The following NEDD4L variants were observed in gnomAD, a reference collection of about 807,000 sequenced individuals.
NEDD4L encodes the protein E3 ubiquitin-protein ligase NEDD4-like.
Under a neutral mutation model 148.9 loss-of-function variants are expected in NEDD4L, and 54 were observed. That is an observed-to-expected ratio of 0.36 (90% CI 0.29 to 0.45). The LOEUF is 0.45. NEDD4L is among the 20% of genes least tolerant of loss of function. The pLI, the probability that NEDD4L is intolerant of heterozygous loss-of-function variation, is 1.00. For synonymous variants in NEDD4L, 433 were observed against 440.7 expected, an observed-to-expected ratio of 0.98 and a Z score of 0.22; for missense variants, 856 against 1,233.8, an observed-to-expected ratio of 0.69 and a Z score of 4.59.
intron 13 of NEDD4L, among the ~76,000 whole-genome samples, chr18:58,337,554 C>A (rs557132356): frequency 2.6e-5 from 4 of 152,248 alleles, no homozygotes; most frequent in Admixed American, 2.6e-4. Flanking sequence ...CACATAGGTA[C>A]ACATTGTGCC....
At chr18:58,392,784 A>G (rs2147032963) in intron 30 of NEDD4L, among the ~76,000 whole-genome samples, 1 of 152,368 alleles carries the variant, frequency 6.6e-6, no homozygotes, top group South Asian at 2.1e-4. Flanking sequence ...TGAAGGCACC[A>G]GCGTTGAGCC....
intron 2 of NEDD4L, among the ~76,000 whole-genome samples, chr18:58,215,329 G>A (rs922850231): frequency 2.6e-5 from 4 of 152,012 alleles, no homozygotes; most frequent in Admixed American, 6.6e-5. Flanking sequence ...TTTCATCTTC[G>A]ACATTATGGA....
chr18:58,239,981 G>A (rs1301499215), intron 2 of NEDD4L, among the ~76,000 whole-genome samples: 2 of 152,146 alleles, frequency 1.3e-5, no homozygotes, highest in Non-Finnish European at 1.5e-5. Flanking sequence ...TGCAAAATCC[G>A]AGTGGATTTT....
At chr18:58,352,101 C>T (rs975696015) in intron 18 of NEDD4L, among the ~76,000 whole-genome samples, 25 of 152,088 alleles carry the variant, frequency 1.6e-4, no homozygotes, top group Admixed American at 1.6e-3. Flanking sequence ...AAGTAGAAGT[C>T]CTAGGTGTAT....
At chr18:58,196,763 C>T (rs376359149) in intron 2 of NEDD4L, among the ~76,000 whole-genome samples, 13 of 142,004 alleles carry the variant, frequency 9.2e-5, no homozygotes, top group Admixed American at 1.5e-4. Context: ...TAATACTCTC[C>T]GGTAAACATA....
At chr18:58,265,719 A>T (rs1037781855) in intron 5 of NEDD4L, among the ~76,000 whole-genome samples, 1 of 151,960 alleles carries the variant, frequency 6.6e-6, no homozygotes, top group South Asian at 2.1e-4. Context: ...ACATGTCAAC[A>T]CACGCAGCTA....
chr18:58,060,724 A>G (rs1340712246), intron 1 of NEDD4L, among the ~76,000 whole-genome samples: 2 of 151,756 alleles, frequency 1.3e-5, no homozygotes, highest in Non-Finnish European at 1.5e-5. Context: ...CCTGTCTTGC[A>G]CCCTTCCTTC....
intron 5 of NEDD4L, among the ~76,000 whole-genome samples, chr18:58,293,658 C>G (rs948024980): frequency 6.6e-6 from 1 of 152,146 alleles, no homozygotes; most frequent in Non-Finnish European, 1.5e-5. Context: ...TTACCTTTGA[C>G]TCATATGTTT....
intron 2 of NEDD4L, among the ~76,000 whole-genome samples, chr18:58,185,755 C>T (rs1281780460): frequency 1.3e-5 from 2 of 152,072 alleles, no homozygotes; most frequent in East Asian, 3.8e-4. Flanking sequence ...TGCCTGTAAT[C>T]CCAGCTACTC....
At chr18:58,243,237 A>T (rs1245778881) in intron 2 of NEDD4L, among the ~76,000 whole-genome samples, 1 of 152,168 alleles carries the variant, frequency 6.6e-6, no homozygotes, top group Non-Finnish European at 1.5e-5. Flanking sequence ...ATTCTTTATA[A>T]CTGTGGATTC....
intron 6 of NEDD4L, among the ~76,000 whole-genome samples, chr18:58,318,675 T>C (rs756231580): frequency 9.2e-5 from 14 of 152,262 alleles, no homozygotes; most frequent in Non-Finnish European, 1.5e-4. Context: ...AAAATTCATA[T>C]GATATTTGAT....
intron 5 of NEDD4L, among the ~76,000 whole-genome samples, chr18:58,288,876 G>A (rs1339229264): frequency 2.0e-5 from 3 of 152,090 alleles, no homozygotes; most frequent in East Asian, 1.9e-4. Context: ...AGGTATCATC[G>A]TCATCCCATG....
chr18:58,203,721 A>G (rs1316987219), intron 2 of NEDD4L, among the ~76,000 whole-genome samples: 1 of 149,104 alleles, frequency 6.7e-6, no homozygotes, highest in South Asian at 2.1e-4. Flanking sequence ...TACTTTTTAT[A>G]TAATTAAATG....
At chr18:58,245,640 T>C in intron 3 of NEDD4L, 132 bp downstream of exon 3, 1 of 449,394 alleles carries the variant, frequency 2.2e-6, no homozygotes, top group South Asian at 5.0e-5. Context: ...GAGATTATAA[T>C]GGAGCTGCCA....
chr18:58,052,563 A>G (rs542753679), intron 1 of NEDD4L, among the ~76,000 whole-genome samples: 10 of 152,234 alleles, frequency 6.6e-5, no homozygotes, highest in African/African-American at 2.4e-4. Context: ...ACTTCTTGGC[A>G]GGCAGACATC....
In NEDD4L at chr18:58,252,140, G is replaced by T. The variant is rs1427765902; in HGVS notation, c.297+86G>T. On this transcript the variant is annotated intron_variant, in intron 5 of 30. Transcript: ENST00000400345. ...AGCGTCTTTAAAACTCTGTGTTTAT[G>T]TTGTACTTAGGACAGTATATGTGCC... 4 of 876,540 alleles carry T rather than the reference G, an allele frequency of 4.6e-6. No individual in the cohort carries two copies. In the African/African-American group the frequency reaches 6.6e-5, roughly 14 times the overall value. 54.3% of individuals were successfully genotyped at this position (876,540 alleles called of 1,614,324 possible).
At chr18:58,259,839 A>G (rs1158459088) in intron 5 of NEDD4L, among the ~76,000 whole-genome samples, 1 of 152,236 alleles carries the variant, frequency 6.6e-6, no homozygotes, top group Non-Finnish European at 1.5e-5. Context: ...GTGGACATGT[A>G]CTTCACAGGA....
At chr18:58,144,275 C>T (rs1380441402) in intron 1 of NEDD4L, among the ~76,000 whole-genome samples, 2 of 152,092 alleles carry the variant, frequency 1.3e-5, no homozygotes, top group East Asian at 3.9e-4. Flanking sequence ...GACATCTGCT[C>T]GGCTACTGGG....
At chr18:58,192,893 G>A (rs775632504) in intron 2 of NEDD4L, among the ~76,000 whole-genome samples, 1 of 152,218 alleles carries the variant, frequency 6.6e-6, no homozygotes, top group Non-Finnish European at 1.5e-5. Context: ...ATCCTTTAAT[G>A]TATAGACTTG....
Sources: allele counts gnomAD v4.1 joint callset (sites outside exome capture counted in the v4.1 genomes callset), GRCh38; gene constraint gnomAD v4.1.1; transcripts MANE v1.5; gene names NCBI Gene and HGNC (gene_info 2026-07-23, HGNC 2026-07-21).